The following CCNT1 variants were observed in gnomAD, a reference collection of about 807,000 sequenced individuals.
The protein encoded by CCNT1 is cyclin T1.
A neutral mutation model predicts 67.3 loss-of-function variants in CCNT1; 18 were observed. That is an observed-to-expected ratio of 0.27 (90% CI 0.18 to 0.40). CCNT1 has a LOEUF of 0.40. Among genes scored for constraint, CCNT1 ranks in the 10% least tolerant of loss-of-function variants. CCNT1 has a pLI of 1.00. For synonymous variants in CCNT1, 333 were observed against 310.3 expected, an observed-to-expected ratio of 1.07 and a Z score of -0.77; for missense variants, 744 against 884.9, an observed-to-expected ratio of 0.84 and a Z score of 2.02.
At position 48,688,798 on chromosome 12, in the gene CCNT1, TAA is replaced by T. The variant is rs934719803; in HGVS notation, c.*4233_*4234del. The stretch of plus-strand genomic sequence containing the variant: ...AAATTGTACCTGAGTGACAGATTGG[TAA>T]AGTGTTTTACTTTTTTTTTTCTTTT... On this transcript the variant is annotated 3_prime_UTR_variant, in exon 9 of 9. Transcript: ENST00000261900. The T allele has an allele frequency of 1.7e-4, 25 of 144,552 alleles. No homozygotes were observed. The highest frequency in any genetic ancestry group is 2.5e-4 in the South Asian group (1 of 4,066). The allele number at this position is 144,552 out of a possible 1,614,324, so 9.0% of individuals were successfully genotyped here. A position where few individuals can be genotyped will look rare whatever the true frequency, so the allele number is the denominator to read the frequency against.
chr12:48,694,461 TTTAC>T, intron 8 of CCNT1, 25 bp from the exon 9 acceptor site: 1 of 1,582,350 alleles, frequency 6.3e-7, no homozygotes, highest in Non-Finnish European at 8.6e-7. Context: ...ATAGCATCTC[TTTAC>T]TTAGGTAATT....
rs1940160208 is a variant in CCNT1 at position 48,695,775 on chromosome 12, C to T, written c.761G>A (p.Arg254His). 6.2e-7 allele frequency: 1 copy of T among 1,611,076 alleles called. No homozygotes were observed. Among genetic ancestry groups the T allele is most frequent in the Non-Finnish European group, 8.5e-7 (1 of 1,177,284 alleles). The change falls in exon 8 of 9, where the codon CGC becomes CAC. Residue 254 changes from arginine to histidine, a missense_variant. This residue lies in a region of CCNT1 where 142 missense variants were observed against 277.0 expected (regional missense o/e 0.51). Transcript: ENST00000261900. ...ILEKTPNRLK[R>H]IWNWRACEAA... ...GATTCTTACCCTCCAATTCCAAATG[C>T]GTTTGAGCCTGTTGGGAGTTTTCTC...
intron 8 of CCNT1, among the ~76,000 whole-genome samples, chr12:48,694,823 TTTTGTTTG>T (rs543902005): frequency 2.0e-5 from 3 of 151,866 alleles, no homozygotes; most frequent in Non-Finnish European, 2.9e-5. Context: ...TACTGTTGTT[TTTTGTTTG>T]TTTGTTTGTT....
At chr12:48,705,945 T>TA in intron 2 of CCNT1, 49 bp from the exon 3 acceptor site, 1 of 1,534,506 alleles carries the variant, frequency 6.5e-7, no homozygotes, top group Non-Finnish European at 8.8e-7. Flanking sequence ...TATTCATTCA[T>TA]AGAGTAAGGT....
In CCNT1 at chr12:48,698,215, G is replaced by A. The variant is rs760373010; in HGVS notation, c.497-32C>T. 27 of 1,463,184 alleles carry A rather than the reference G, an allele frequency of 1.8e-5. No homozygotes were observed. In the East Asian group the frequency reaches 2.7e-4, roughly 15 times the overall value. The allele number at this position is 1,463,184 out of a possible 1,614,324, so 90.6% of individuals were successfully genotyped here. A position where few individuals can be genotyped will look rare whatever the true frequency, so the allele number is the denominator to read the frequency against. On this transcript the variant is annotated intron_variant, in intron 5 of 8. Coordinates refer to ENST00000261900, the MANE Select transcript of CCNT1 (RefSeq NM_001240.4). ...AAAAAAAAAAAAAGTCAGGGGTGGG[G>A]GAGGAAAAAAGTTATTAGTTCCATT... is the stretch of plus-strand genomic sequence containing the variant.
intron 2 of CCNT1, among the ~76,000 whole-genome samples, chr12:48,711,352 C>T (rs1940447644): frequency 6.6e-6 from 1 of 151,728 alleles, no homozygotes; most frequent in African/African-American, 2.4e-5. Flanking sequence ...TGCACTCCAG[C>T]CTGGGTGACA....
rs1328257702 is a variant in CCNT1, at chr12:48,689,548, G to A, written c.*3485C>T. On this transcript the variant is annotated 3_prime_UTR_variant, in exon 9 of 9. Coordinates refer to ENST00000261900, the MANE Select transcript of CCNT1 (RefSeq NM_001240.4). ...CTCGGAGGGCTATTTCTCACCATTT[G>A]ATGAGTTGCATAGACTGCTTAAATT... 3 of 152,204 alleles carry A rather than the reference G, an allele frequency of 2.0e-5. No homozygotes were observed. The highest frequency in any genetic ancestry group is 4.4e-5 in the Non-Finnish European group (3 of 68,048). 9.4% of individuals were successfully genotyped at this position (152,204 alleles called of 1,614,324 possible). A position where few individuals can be genotyped will look rare whatever the true frequency, so the allele number is the denominator to read the frequency against.
rs1448357643 is a variant in CCNT1 at position 48,693,725 on chromosome 12, C to A, written c.1489G>T (p.Glu497Ter). 32 of 1,613,984 alleles carry A rather than the reference C, an allele frequency of 2.0e-5. No homozygotes were observed. Among genetic ancestry groups the A allele is most frequent in the Non-Finnish European group, 2.5e-5 (30 of 1,180,028 alleles). ...HAAADKHNSV[E>*]DSVTKSREHK... is the part of the protein sequence containing the mutation. ...TCTCGGCTCTTTGTAACACTGTCCT[C>A]TACAGAATTGTGCTTATCAGCTGCA... Residue 497 changes from glutamate (E) to a stop codon, truncating the protein, a stop_gained, in exon 9 of 9, where the codon GAG (glutamate) becomes TAG (stop). Transcript: ENST00000261900. LOFTEE classifies it high-confidence loss of function.
At chr12:48,715,799 C>G (rs189980799) in intron 1 of CCNT1, among the ~76,000 whole-genome samples, 2 of 152,306 alleles carry the variant, frequency 1.3e-5, no homozygotes, top group East Asian at 3.9e-4. Flanking sequence ...CATATCATCA[C>G]TCTAAGTAAG....
intron 2 of CCNT1, among the ~76,000 whole-genome samples, chr12:48,711,734 C>T (rs1271639941): frequency 6.6e-6 from 1 of 152,180 alleles, no homozygotes; most frequent in African/African-American, 2.4e-5. Flanking sequence ...CAGGGCATGA[C>T]TAGAGGTACA....
chr12:48,690,568 T>C lies in CCNT1; in HGVS notation c.*2465A>G, dbSNP rs1940056561. On this transcript the variant is annotated 3_prime_UTR_variant, in exon 9 of 9. Transcript: ENST00000261900. Reference sequence around the variant, plus strand: ...GATCTAAAAACAGACACTGTACGTATCTTAAGACAGTACCAGGAGGCATTA... The same window carrying C: ...GATCTAAAAACAGACACTGTACGTACCTTAAGACAGTACCAGGAGGCATTA... The C allele has an allele frequency of 6.6e-6, 1 of 152,188 alleles. No homozygotes were observed. Among genetic ancestry groups the C allele is most frequent in the African/African-American group, 2.4e-5 (1 of 41,440 alleles). The allele number at this position is 152,188 out of a possible 1,614,324, so 9.4% of individuals were successfully genotyped here.
chr12:48,711,031 T>C (rs569822278), intron 2 of CCNT1, among the ~76,000 whole-genome samples: 2 of 151,216 alleles, frequency 1.3e-5, no homozygotes, highest in African/African-American at 4.9e-5. Context: ...GCCACTGCAC[T>C]CCAGCCTGGG....
rs371102763 is a variant in CCNT1 at position 48,716,586 on chromosome 12, G to A, written c.90C>T (p.Asp30=). The change falls in exon 1 of 9, where the codon GAC becomes GAT. Residue 30 remains aspartate (D), a synonymous_variant. Transcript: ENST00000261900. Reference sequence around the variant, plus strand: ...GGCGATAAGAAAGTTCTTTATCTGGGTCCACGCCAAAACGACGGGATGGGC... The same window carrying A: ...GGCGATAAGAAAGTTCTTTATCTGGATCCACGCCAAAACGACGGGATGGGC... ...ENSPSRRFGV[D]PDKELSYRQQ... 9.3e-6 allele frequency: 15 copies of A among 1,614,144 alleles called. No individual in the cohort carries two copies. Among genetic ancestry groups the A allele is most frequent in the African/African-American group, 2.7e-5 (2 of 74,952 alleles).
In CCNT1 at chr12:48,689,316, C is replaced by T. The variant is rs570473408; in HGVS notation, c.*3717G>A. 1.3e-5 allele frequency: 2 copies of T among 152,332 alleles called. No homozygotes were observed. Among genetic ancestry groups the T allele is most frequent in the Admixed American group, 6.5e-5 (1 of 15,296 alleles). 9.4% of individuals were successfully genotyped at this position (152,332 alleles called of 1,614,324 possible). ...AAAAAGTAATTCTCATTCCAGACTA[C>T]TCTATCAGGCAGGATTACTGTACCG... On this transcript the variant is annotated 3_prime_UTR_variant, in exon 9 of 9. Transcript: ENST00000261900.
At position 48,692,933 on chromosome 12, in the gene CCNT1, G is replaced by T; in HGVS notation, c.*100C>A. On this transcript the variant is annotated 3_prime_UTR_variant, in exon 9 of 9. Coordinates refer to ENST00000261900, the MANE Select transcript of CCNT1 (RefSeq NM_001240.4). ...AATATCAATTTATTCCCTAGTCCAA[G>T]GATGACATATTTCATAAGTAATTTT... 1 of 776,044 alleles carries T rather than the reference G, an allele frequency of 1.3e-6. No homozygotes were observed. Among genetic ancestry groups the T allele is most frequent in the Non-Finnish European group, 2.0e-6 (1 of 493,990 alleles). 48.1% of individuals were successfully genotyped at this position (776,044 alleles called of 1,614,324 possible).
chr12:48,698,253 A>G (rs1229705048), intron 5 of CCNT1, 70 bp from the exon 6 acceptor site: 2 of 1,097,430 alleles, frequency 1.8e-6, no homozygotes, highest in East Asian at 4.8e-5. Context: ...TTCTCAACAA[A>G]TATTTAGTAA....
intron 4 of CCNT1, among the ~76,000 whole-genome samples, chr12:48,700,253 A>G (rs1000317904): frequency 5.4e-5 from 8 of 148,140 alleles, no homozygotes; most frequent in African/African-American, 2.0e-4. Context: ...CAGGAGGCGG[A>G]GGTTGCAATG....
Position 48,716,633 on chromosome 12 carries a change from T to C in CCNT1, c.43A>G (p.Thr15Ala). 6.2e-7 allele frequency: 1 copy of C among 1,614,126 alleles called. No homozygotes were observed. Among genetic ancestry groups the C allele is most frequent in the Non-Finnish European group, 8.5e-7 (1 of 1,180,000 alleles). ...GGGCTATTTTCCAGCTGTTCTCGAGTGAAATACCACCGTTTGTTGTTGTTC... is the reference window on the plus strand; with the variant it reads ...GGGCTATTTTCCAGCTGTTCTCGAGCGAAATACCACCGTTTGTTGTTGTTC... ...RKNNNKRWYFTREQLENSPSR... is the reference protein window; with the variant it reads ...RKNNNKRWYFAREQLENSPSR... Residue 15 changes from threonine (T) to alanine (A), a missense_variant, in exon 1 of 9, where the codon ACT becomes GCT. Thr to Ala is a moderately conservative substitution (Grantham distance 58, BLOSUM62 0). Around this residue, in one of 3 missense-constraint regions of CCNT1, gnomAD observed 38 missense variants for 33.7 expected, o/e 1.13. Transcript: ENST00000261900.
At chr12:48,704,530 G>A (rs1940324339) in intron 3 of CCNT1, among the ~76,000 whole-genome samples, 1 of 152,196 alleles carries the variant, frequency 6.6e-6, no homozygotes, top group Non-Finnish European at 1.5e-5. Flanking sequence ...CCTCAAGGTG[G>A]CCGGGCACAG....
Sources: gnomAD v4.1 joint callset for allele counts (sites outside exome capture counted in the v4.1 genomes callset) on GRCh38, gnomAD v4.1.1 for gene constraint, gnomAD v4.1.1 regional missense constraint, MANE v1.5 for transcripts, NCBI Gene and HGNC (gene_info 2026-07-23, HGNC 2026-07-21) for gene names.